FMN2: variants seen among roughly 807,000 people sequenced by gnomAD.
The protein encoded by FMN2 is formin 2, also known as formin-2.
In FMN2, 51 loss-of-function variants were observed where a neutral mutation model predicts 142.3. That is an observed-to-expected ratio of 0.36 (90% CI 0.29 to 0.45). The LOEUF (loss-of-function observed/expected upper bound fraction) is 0.45, where lower values mean the gene tolerates loss of function less well. FMN2 is among the 20% of genes least tolerant of loss of function. FMN2 has a pLI of 1.00. For synonymous variants in FMN2, 882 were observed against 869.8 expected (o/e 1.01, Z -0.25); for missense variants, 1,936 against 2,122.8 (o/e 0.91, Z 1.73).
At chr1:240,285,125 A>G (rs527633278) in intron 7 of FMN2, 2 of 425,476 alleles carry the variant, frequency 4.7e-6, no homozygotes, top group African/African-American at 2.0e-5. Flanking sequence ...ATTTTGTTCA[A>G]TTAGGAGGGT....
intron 16 of FMN2, among the ~76,000 whole-genome samples, chr1:240,448,112 A>G (rs1433113754): frequency 2.6e-5 from 4 of 152,204 alleles, no homozygotes; most frequent in Non-Finnish European, 1.5e-5. Context: ...ACCCAAGAAA[A>G]CAAACCTTGA....
chr1:240,112,278 C>T (rs558030409), intron 1 of FMN2, among the ~76,000 whole-genome samples: 11 of 151,904 alleles, frequency 7.2e-5, no homozygotes, highest in Admixed American at 2.6e-4. Context: ...ACTACAGGCA[C>T]GCACCACCAC....
intron 3 of FMN2, among the ~76,000 whole-genome samples, chr1:240,180,690 C>T (rs1032233390): frequency 8.6e-5 from 13 of 151,438 alleles, no homozygotes; most frequent in South Asian, 4.2e-4. Flanking sequence ...CCTCAGCCTC[C>T]GGAGTAGCTG....
intron 11 of FMN2, among the ~76,000 whole-genome samples, chr1:240,332,571 A>G (rs1419778195): frequency 2.6e-5 from 4 of 152,124 alleles, no homozygotes; most frequent in African/African-American, 9.7e-5. Context: ...CTTTTTTGGT[A>G]TCAGTTTATA....
At chr1:240,252,115 G>C (rs879876224) in intron 6 of FMN2, among the ~76,000 whole-genome samples, 5 of 151,992 alleles carry the variant, frequency 3.3e-5, no homozygotes, top group Admixed American at 3.3e-4. Context: ...CACCATTTCG[G>C]CCAGGTTGGT....
chr1:240,431,423 T>TATATATAC (rs1491221486), intron 15 of FMN2, among the ~76,000 whole-genome samples: 10 of 130,952 alleles, frequency 7.6e-5, no homozygotes, highest in African/African-American at 2.8e-4. Context: ...TATATATATA[T>TATATATAC]ACATATATAT....
intron 15 of FMN2, among the ~76,000 whole-genome samples, chr1:240,414,231 A>G (rs927150382): frequency 6.6e-6 from 1 of 152,122 alleles, no homozygotes. Context: ...ATCTATATCT[A>G]AGATGAGGAG....
chr1:240,118,343 A>G (rs189197164), intron 1 of FMN2, among the ~76,000 whole-genome samples: 1 of 152,250 alleles, frequency 6.6e-6, no homozygotes, highest in Admixed American at 6.5e-5. Context: ...GCTGGGGGAA[A>G]GTTTGATAGG....
chr1:240,365,730 A>G (rs1488700491), intron 14 of FMN2, among the ~76,000 whole-genome samples: 1 of 152,130 alleles, frequency 6.6e-6, no homozygotes, highest in Non-Finnish European at 1.5e-5. Flanking sequence ...TTCACTCATA[A>G]CTTTGTCTTA....
chr1:240,167,933 A>T (rs1394601944), intron 2 of FMN2, among the ~76,000 whole-genome samples: 2 of 152,110 alleles, frequency 1.3e-5, no homozygotes, highest in Non-Finnish European at 2.9e-5. Flanking sequence ...TTGGCCAGGC[A>T]TGGTGGCACA....
intron 6 of FMN2, among the ~76,000 whole-genome samples, chr1:240,240,752 G>C (rs930916898): frequency 6.6e-6 from 1 of 152,162 alleles, no homozygotes; most frequent in African/African-American, 2.4e-5. Flanking sequence ...TCTAAAACCA[G>C]ATTTTTAGAG....
At chr1:240,438,271 A>G (rs1675471039) in intron 16 of FMN2, 61 bp downstream of exon 16, 3 of 1,530,940 alleles carry the variant, frequency 2.0e-6, no homozygotes. Flanking sequence ...GTGTGGCACC[A>G]CTGGGTTGCC....
intron 6 of FMN2, among the ~76,000 whole-genome samples, chr1:240,243,159 T>A (rs1226980626): frequency 6.6e-6 from 1 of 152,062 alleles, no homozygotes; most frequent in Non-Finnish European, 1.5e-5. Context: ...CAAAAAACCC[T>A]GATAACCTCT....
intron 16 of FMN2, among the ~76,000 whole-genome samples, chr1:240,471,310 G>A (rs1676800172): frequency 6.6e-6 from 1 of 152,072 alleles, no homozygotes; most frequent in African/African-American, 2.4e-5. Context: ...ATGAGTGTGT[G>A]TGGTATAGGA....
At chr1:240,270,123 A>T (rs1668947917) in intron 7 of FMN2, among the ~76,000 whole-genome samples, 1 of 152,062 alleles carries the variant, frequency 6.6e-6, no homozygotes, top group Non-Finnish European at 1.5e-5. Flanking sequence ...TTAGAAGAAA[A>T]GCTTTCAACT....
At chr1:240,413,292 G>T (rs1674476237) in intron 15 of FMN2, among the ~76,000 whole-genome samples, 1 of 151,704 alleles carries the variant, frequency 6.6e-6, no homozygotes. Context: ...ATCCATGGGG[G>T]TGTCATTGCA....
At position 240,439,279 on chromosome 1, in the gene FMN2, A is replaced by AAAAAAG. The variant is rs555074808; in HGVS notation, c.5060+1072_5060+1073insAAGAAA. On this transcript the variant is annotated intron_variant, in intron 16 of 17. Transcript: ENST00000319653. ...CAGAGCAAGGCTGTCTCAAAAAAAAAAAAGAAAGAAAGAAAGAAAGAAAGA... is the reference window on the plus strand; with the variant it reads ...CAGAGCAAGGCTGTCTCAAAAAAAAAAAAAAGAAAGAAAGAAAGAAAGAAAGAAAGA... 1.4e-3 allele frequency among the ~76,000 whole-genome samples: 179 copies of AAAAAAG among 124,772 alleles called. 3 individuals carry two copies. The highest frequency in any genetic ancestry group is 5.3e-3 in the African/African-American group (169 of 31,982). 81.9% of individuals were successfully genotyped at this position (124,772 alleles called of 152,430 possible).
At chr1:240,264,331 A>T (rs1668723731) in intron 7 of FMN2, among the ~76,000 whole-genome samples, 1 of 152,194 alleles carries the variant, frequency 6.6e-6, no homozygotes, top group Non-Finnish European at 1.5e-5. Flanking sequence ...CCAAAAAGAG[A>T]ACCGGTATTG....
At chr1:240,417,652 A>T (rs77726973) in intron 15 of FMN2, among the ~76,000 whole-genome samples, 1 of 150,602 alleles carries the variant, frequency 6.6e-6, no homozygotes. Context: ...ATCTCAGTTT[A>T]TGGTTTGCAT....
Sources: allele counts gnomAD v4.1 joint callset (sites outside exome capture counted in the v4.1 genomes callset), GRCh38; gene constraint gnomAD v4.1.1; transcripts MANE v1.5; gene names NCBI Gene and HGNC (gene_info 2026-07-23, HGNC 2026-07-21).